ATP8B1: variants seen among roughly 807,000 people sequenced by gnomAD.
The protein encoded by ATP8B1 is ATPase phospholipid transporting 8B1, also known as phospholipid-transporting ATPase IC.
In ATP8B1, 80 loss-of-function variants were observed where a neutral mutation model predicts 149.9. The ratio of observed to expected loss-of-function variants is 0.53; its 90% CI spans 0.45 to 0.64. The LOEUF is 0.64. Ranked by LOEUF, ATP8B1 falls within the 30% of genes least tolerant of loss-of-function variation. ATP8B1 has a pLI of 0.00. For missense variants in ATP8B1, 1,247 were observed against 1,552.6 expected (o/e 0.80, Z 3.31); for synonymous variants, 536 against 562.8 (o/e 0.95, Z 0.67).
intron 1 of ATP8B1, chr18:57,755,287 T>C (rs930389806): frequency 6.6e-6 from 1 of 152,192 alleles, no homozygotes; most frequent in Non-Finnish European, 1.5e-5. Flanking sequence ...ATGGCAAAAT[T>C]CATGCATTAT....
In ATP8B1 at chr18:57,648,479, G is replaced by A. The variant is rs774046723; in HGVS notation, c.*9C>T. On this transcript the variant is annotated 3_prime_UTR_variant, in exon 28 of 28. Transcript: ENST00000648908. Reference sequence around the variant, plus strand: ...CTTTGTGGCCGCATCCCAGCCTGGGGGTAAGGGATCAGCTGTCCCCGGTGC... The same window carrying A: ...CTTTGTGGCCGCATCCCAGCCTGGGAGTAAGGGATCAGCTGTCCCCGGTGC... 34 of 1,610,858 alleles carry A rather than the reference G, an allele frequency of 2.1e-5. No homozygotes were observed. The South Asian group carries it at 3.6e-4, about 17-fold the overall frequency.
chr18:57,678,096 T>TA (rs1911709745), intron 15 of ATP8B1, among the ~76,000 whole-genome samples: 1 of 152,122 alleles, frequency 6.6e-6, no homozygotes, highest in Admixed American at 6.6e-5. Flanking sequence ...TATGCAGCCA[T>TA]AAAAAGGAAC....
chr18:57,731,916 C>A (rs2079769739), intron 1 of ATP8B1, 84 bp from the exon 2 acceptor site: 3 of 1,205,516 alleles, frequency 2.5e-6, no homozygotes, highest in Non-Finnish European at 1.2e-6. Flanking sequence ...CTACAATGCC[C>A]CTTTTACAGA....
intron 2 of ATP8B1, among the ~76,000 whole-genome samples, chr18:57,729,280 C>T (rs1208890486): frequency 6.6e-6 from 1 of 152,100 alleles, no homozygotes; most frequent in African/African-American, 2.4e-5. Flanking sequence ...GACCCTGGAC[C>T]CCATGGAGCC....
At chr18:57,680,401 C>A (rs560956367) in intron 15 of ATP8B1, among the ~76,000 whole-genome samples, 78 of 148,244 alleles carry the variant, frequency 5.3e-4, no homozygotes, top group African/African-American at 1.9e-3. Context: ...GCCTGACCAA[C>A]ATGGAGAAAC....
intron 13 of ATP8B1, among the ~76,000 whole-genome samples, chr18:57,687,357 C>CT (rs1337369583): frequency 2.0e-5 from 3 of 152,194 alleles, no homozygotes; most frequent in African/African-American, 4.8e-5. Flanking sequence ...TTGTGACTGG[C>CT]TTACTTCACT....
chr18:57,684,455 C>G (rs1912135086), intron 14 of ATP8B1, among the ~76,000 whole-genome samples: 1 of 151,992 alleles, frequency 6.6e-6, no homozygotes, highest in South Asian at 2.1e-4. Flanking sequence ...CAGTTCTCTG[C>G]AACCTCCACC....
chr18:57,730,392 GATA>G (rs33926894), intron 2 of ATP8B1, among the ~76,000 whole-genome samples: 149,594 of 152,116 alleles, frequency 0.98, 73,605 homozygotes, highest in East Asian at 1. Flanking sequence ...AGAACACTAT[GATA>G]ATGATTTCTG....
In ATP8B1 at chr18:57,697,863, T is replaced by G; in HGVS notation, c.559A>C (p.Lys187Gln). The G allele has an allele frequency of 6.2e-7, 1 of 1,611,646 alleles. No homozygotes were observed. The highest frequency in any genetic ancestry group is 1.1e-5 in the South Asian group (1 of 91,010). The change falls in exon 7 of 28, where the codon AAA (lysine) becomes CAA (glutamine). Residue 187 changes from lysine (K) to glutamine (Q), a missense_variant. By Grantham distance (53) the Lys-to-Gln change is moderately conservative. Around this residue, in one of 3 missense-constraint regions of ATP8B1, gnomAD observed 853 missense variants for 1,035.7 expected, o/e 0.82. Transcript: ENST00000648908. ...TGAATTTCTTTCCACTTAGCAACTTTGAACCTAAGGATTAAAAATAATGAG... is the reference window on the plus strand; with the variant it reads ...TGAATTTCTTTCCACTTAGCAACTTGGAACCTAAGGATTAAAAATAATGAG... ...TCEVIKDGRF[K>Q]VAKWKEIQVG... is the part of the protein sequence containing the mutation.
chr18:57,695,617 T>G, intron 8 of ATP8B1, 85 bp from the exon 9 acceptor site: 3 of 982,026 alleles, frequency 3.1e-6, no homozygotes, highest in Non-Finnish European at 4.9e-6. Context: ...ACATTAGCCA[T>G]ACCTGGACAT....
At chr18:57,750,070 C>A (rs1301789152) in intron 1 of ATP8B1, among the ~76,000 whole-genome samples, 4 of 152,136 alleles carry the variant, frequency 2.6e-5, no homozygotes, top group African/African-American at 9.6e-5. Flanking sequence ...TCATGAATCC[C>A]CGTCTCTACC....
intron 14 of ATP8B1, 143 bp from the exon 15 acceptor site, chr18:57,684,335 C>A: frequency 1.1e-6 from 1 of 892,466 alleles, no homozygotes; most frequent in Non-Finnish European, 1.7e-6. Context: ...TGTCAAGAGG[C>A]TCACAACTGT....
chr18:57,790,468 G>GGGAT (rs2080453875), intron 1 of ATP8B1, among the ~76,000 whole-genome samples: 2 of 152,092 alleles, frequency 1.3e-5, no homozygotes, highest in Admixed American at 1.3e-4. Context: ...TCCCATGGTA[G>GGGAT]CCCCAGCATC....
chr18:57,738,184 A>T (rs2079877558), intron 1 of ATP8B1: 1 of 152,300 alleles, frequency 6.6e-6, no homozygotes, highest in South Asian at 2.1e-4. Flanking sequence ...GTCTCTGACC[A>T]CCACTCCAGG....
intron 6 of ATP8B1, 37 bp from the exon 7 acceptor site, chr18:57,697,904 T>G: frequency 6.6e-7 from 1 of 1,525,204 alleles, no homozygotes; most frequent in Non-Finnish European, 9.1e-7. Flanking sequence ...ATTGACATTT[T>G]AAGTTACAGG....
At chr18:57,761,831 T>G (rs1409903156) in intron 1 of ATP8B1, among the ~76,000 whole-genome samples, 1 of 149,714 alleles carries the variant, frequency 6.7e-6, no homozygotes, top group Non-Finnish European at 1.5e-5. Context: ...ACACCTGTAG[T>G]CCAAGCTGCT....
Position 57,719,360 on chromosome 18 carries a change from C to A in ATP8B1, c.181+12267G>T, listed in dbSNP as rs1028456694. On this transcript the variant is annotated intron_variant, in intron 2 of 27. Coordinates refer to ENST00000648908, the MANE Select transcript of ATP8B1 (RefSeq NM_001374385.1). ...TCCATCTGAGGTACCGGGTTCATCT[C>A]ACTAGGGAGTGCCAGACAGTGGGCG... 1.3e-4 allele frequency among the ~76,000 whole-genome samples: 20 copies of A among 152,330 alleles called. 1 individual carries two copies. The highest frequency in any genetic ancestry group is 2.4e-4 in the Non-Finnish European group (16 of 68,028).
chr18:57,753,962 G>A (rs151305081), intron 1 of ATP8B1, among the ~76,000 whole-genome samples: 67 of 122,020 alleles, frequency 5.5e-4, no homozygotes, highest in East Asian at 1.2e-3. Flanking sequence ...AGAAAGAAAA[G>A]AAAAAAAAAA....
chr18:57,691,758 G>A, intron 12 of ATP8B1, 49 bp downstream of exon 12: 2 of 1,597,610 alleles, frequency 1.3e-6, no homozygotes, highest in South Asian at 2.2e-5. Context: ...GTTGGGAGAA[G>A]GTACAACATT....
Sources: gnomAD v4.1 joint callset for allele counts (sites outside exome capture counted in the v4.1 genomes callset) on GRCh38, gnomAD v4.1.1 for gene constraint, gnomAD v4.1.1 regional missense constraint, MANE v1.5 for transcripts, NCBI Gene and HGNC (gene_info 2026-07-23, HGNC 2026-07-21) for gene names.